The following SLC35D4 variants were observed in gnomAD, a reference collection of about 807,000 sequenced individuals.
SLC35D4 encodes the protein UDP-N-acetylglucosamine transporter SLC35D4.
chr18:23,248,657 A>G, the SLC35D4 span, among the ~76,000 whole-genome samples: 1 of 151,352 alleles, frequency 6.6e-6, no homozygotes, highest in Non-Finnish European at 1.5e-5. Flanking sequence ...GTGAAACCCC[A>G]TCTCTACTAA....
At chr18:23,351,584 A>G in the SLC35D4 span, among the ~76,000 whole-genome samples, 1 of 152,204 alleles carries the variant, frequency 6.6e-6, no homozygotes, top group Admixed American at 6.5e-5. Context: ...ATTAAATTAA[A>G]TTTAATTAAT....
chr18:23,354,899 T>C, the SLC35D4 span, among the ~76,000 whole-genome samples: 1 of 151,800 alleles, frequency 6.6e-6, no homozygotes, highest in African/African-American at 2.4e-5. Flanking sequence ...CTCCTTGCAC[T>C]TTCAGCCCAT....
chr18:23,290,249 C>T, the SLC35D4 span, among the ~76,000 whole-genome samples: 2 of 152,240 alleles, frequency 1.3e-5, no homozygotes, highest in Non-Finnish European at 2.9e-5. Context: ...TGCCTATCTT[C>T]TCTCCTGTGC....
the SLC35D4 span, among the ~76,000 whole-genome samples, chr18:23,423,436 C>G: frequency 5.1e-4 from 77 of 152,300 alleles, no homozygotes; most frequent in Middle Eastern, 6.8e-3. Context: ...GTTGTTACAA[C>G]CGGGGGAGAG....
chr18:23,286,575 C>G, the SLC35D4 span, among the ~76,000 whole-genome samples: 7 of 151,586 alleles, frequency 4.6e-5, no homozygotes, highest in African/African-American at 1.4e-4. Flanking sequence ...TCACGGATGC[C>G]GAGCTTCAGG....
chr18:23,411,531 A>AAGAAAGAAAGAAAGAAAGAC, the SLC35D4 span, among the ~76,000 whole-genome samples: 1 of 151,500 alleles, frequency 6.6e-6, no homozygotes, highest in East Asian at 1.9e-4. Context: ...GAAAGAAAGA[A>AAGAAAGAAAGAAAGAAAGAC]AGAAAGAAAG....
chr18:23,271,697 T>C, the SLC35D4 span, among the ~76,000 whole-genome samples: 1 of 152,112 alleles, frequency 6.6e-6, no homozygotes. Flanking sequence ...CAAGGCATGA[T>C]TAGAGTGTTG....
the SLC35D4 span, among the ~76,000 whole-genome samples, chr18:23,433,316 C>A: frequency 6.6e-6 from 1 of 152,152 alleles, no homozygotes; most frequent in Non-Finnish European, 1.5e-5. Context: ...GCCACTGTGC[C>A]TGGCCTTGTA....
chr18:23,341,716 G>A, the SLC35D4 span, among the ~76,000 whole-genome samples: 1 of 152,148 alleles, frequency 6.6e-6, no homozygotes, highest in Non-Finnish European at 1.5e-5. Context: ...AGGATCACAA[G>A]CTTATTTTCA....
chr18:23,344,046 G>A, the SLC35D4 span, among the ~76,000 whole-genome samples: 2 of 151,860 alleles, frequency 1.3e-5, no homozygotes, highest in East Asian at 1.9e-4. Flanking sequence ...TTACAGGTGC[G>A]TGCCACGACG....
the SLC35D4 span, among the ~76,000 whole-genome samples, chr18:23,435,951 C>G: frequency 6.6e-6 from 1 of 152,148 alleles, no homozygotes; most frequent in Non-Finnish European, 1.5e-5. Context: ...TCACCTCAGC[C>G]TCCCAAAGTG....
chr18:23,283,029 C>A, the SLC35D4 span, among the ~76,000 whole-genome samples: 2 of 151,624 alleles, frequency 1.3e-5, no homozygotes, highest in Non-Finnish European at 2.9e-5. Context: ...CCTTGTTATA[C>A]CCCCTACCTT....
At chr18:23,427,172 T>G in the SLC35D4 span, among the ~76,000 whole-genome samples, 70 of 152,134 alleles carry the variant, frequency 4.6e-4, no homozygotes, top group Non-Finnish European at 1.5e-4. Flanking sequence ...ACAAATGGGA[T>G]CTGATTAAAC....
At chr18:23,361,037 G>T in the SLC35D4 span, among the ~76,000 whole-genome samples, 4 of 141,206 alleles carry the variant, frequency 2.8e-5, no homozygotes, top group African/African-American at 1.0e-4. Context: ...AGGAGGCAGA[G>T]GTTGCAGTGA....
the SLC35D4 span, among the ~76,000 whole-genome samples, chr18:23,352,539 C>G: frequency 2.6e-5 from 4 of 152,168 alleles, no homozygotes; most frequent in East Asian, 7.7e-4. Flanking sequence ...TCAGAGGCCT[C>G]TGGCTAAATC....
chr18:23,399,733 T>A, the SLC35D4 span: 1 of 1,250,824 alleles, frequency 8.0e-7, no homozygotes, highest in Non-Finnish European at 1.2e-6. Context: ...TCCAGATGCA[T>A]CAACTACAAC....
the SLC35D4 span, among the ~76,000 whole-genome samples, chr18:23,397,083 T>TTG: frequency 1.5e-3 from 227 of 152,060 alleles, no homozygotes; most frequent in African/African-American, 5.2e-3. Flanking sequence ...CAGTACCTCT[T>TTG]TGTGTGTGTG....
At chr18:23,418,109 A>C in the SLC35D4 span, among the ~76,000 whole-genome samples, 1 of 152,286 alleles carries the variant, frequency 6.6e-6, no homozygotes, top group Middle Eastern at 3.4e-3. Context: ...TAAAATCCCA[A>C]AAATATCTTT....
the SLC35D4 span, among the ~76,000 whole-genome samples, chr18:23,274,471 C>A: frequency 1.3e-5 from 2 of 152,228 alleles, no homozygotes; most frequent in African/African-American, 4.8e-5. Context: ...AGATGTACTG[C>A]CTGGTGCCCC....
Sources: gnomAD v4.1 joint callset for allele counts (sites outside exome capture counted in the v4.1 genomes callset) on GRCh38, gnomAD v4.1.1 for gene constraint, MANE v1.5 for transcripts, NCBI Gene and HGNC (gene_info 2026-07-23, HGNC 2026-07-21) for gene names.